SOS2: variants seen among roughly 807,000 people sequenced by gnomAD.
The protein encoded by SOS2 is SOS Ras/Rho guanine nucleotide exchange factor 2.
In SOS2, 65 loss-of-function variants were observed where a neutral mutation model predicts 148.2. The observed-to-expected ratio is 0.44, with a 90% CI of 0.36 to 0.54. SOS2 has a LOEUF of 0.54. Ranked by LOEUF, SOS2 falls within the 20% of genes least tolerant of loss-of-function variation. The pLI is 0.00. For missense variants in SOS2, 1,341 were observed against 1,590.2 expected, an observed-to-expected ratio of 0.84 and a Z score of 2.67; for synonymous variants, 539 against 537.1, an observed-to-expected ratio of 1.00 and a Z score of -0.05.
At chr14:50,216,710 G>A (rs946349054) in intron 1 of SOS2, among the ~76,000 whole-genome samples, 5 of 151,996 alleles carry the variant, frequency 3.3e-5, no homozygotes, top group African/African-American at 1.2e-4. Context: ...ACTCCAGCCT[G>A]GGTGACAGAG....
chr14:50,149,952 T>C (rs1228639472), intron 14 of SOS2, 56 bp downstream of exon 14: 20 of 1,203,124 alleles, frequency 1.7e-5, no homozygotes, highest in East Asian at 4.6e-5. Context: ...GTTTTGAAAA[T>C]AGGTAATGTT....
Position 50,159,918 on chromosome 14 carries a change from A to G in SOS2, c.1365T>C (p.His455=), listed in dbSNP as rs774916162. Residue 455 remains histidine (H), a synonymous_variant, in exon 10 of 23, where the codon CAT becomes CAC. Coordinates refer to ENST00000216373, the MANE Select transcript of SOS2 (RefSeq NM_006939.4). ...EGPLTRIGAK[H]ERHIFLFDGL... ...CATCAAACAGAAAAATATGCCGTTCATGTTTGGCACCGATTCTTGTCAATG... is the reference window on the plus strand; with the variant it reads ...CATCAAACAGAAAAATATGCCGTTCGTGTTTGGCACCGATTCTTGTCAATG... 2 of 1,614,160 alleles carry G rather than the reference A, an allele frequency of 1.2e-6. No individual in the cohort carries two copies. The highest frequency in any genetic ancestry group is 1.1e-5 in the South Asian group (1 of 91,084).
intron 1 of SOS2, among the ~76,000 whole-genome samples, chr14:50,220,489 A>C (rs1403060150): frequency 6.6e-6 from 1 of 151,580 alleles, no homozygotes; most frequent in Admixed American, 6.6e-5. Flanking sequence ...CAGCAAACAG[A>C]TCTCTTGGCC....
chr14:50,165,780 G>T (rs999812979), intron 8 of SOS2, among the ~76,000 whole-genome samples: 1 of 152,036 alleles, frequency 6.6e-6, no homozygotes, highest in Non-Finnish European at 1.5e-5. Flanking sequence ...AATGTTTTTT[G>T]AGCTCTGCTC....
Position 50,119,803 on chromosome 14 carries a change from CTTTTTT to C in SOS2, c.3489+466_3489+471del, listed in dbSNP as rs59325250. ...TGCCTGCCTCAGCCTCCCAACCAGC[CTTTTTT>C]TTTTTTTTTTTTTTTTTTGAGACAA... On this transcript the variant is annotated intron_variant, in intron 22 of 22. Transcript: ENST00000216373. 3.2e-3 allele frequency among the ~76,000 whole-genome samples: 219 copies of C among 68,536 alleles called. 1 individual carries two copies. The highest frequency in any genetic ancestry group is 0.012 in the African/African-American group (197 of 15,808). 45.0% of individuals were successfully genotyped at this position (68,536 alleles called of 152,430 possible). A position where few individuals can be genotyped will look rare whatever the true frequency, so the allele number is the denominator to read the frequency against.
rs200699420 is a variant in SOS2, at chr14:50,158,232, C to CA, written c.1934+332dup. ...GTATTTGGCAAAGTAGTCTACGGTC[C>CA]AAAAAAAAAAATAGTGGTAAGTAGA... On this transcript the variant is annotated intron_variant, in intron 11 of 22. Transcript: ENST00000216373. Among the ~76,000 whole-genome samples, 125 of 138,186 alleles carry CA rather than the reference C, an allele frequency of 9.0e-4. No homozygotes were observed. In the East Asian group the frequency reaches 0.014, roughly 15 times the overall value. The allele number at this position is 138,186 out of a possible 152,430, so 90.7% of individuals were successfully genotyped here. A position where few individuals can be genotyped will look rare whatever the true frequency, so the allele number is the denominator to read the frequency against.
In SOS2 at chr14:50,204,360, T is replaced by C. The variant is rs1162838729; in HGVS notation, c.137A>G (p.Tyr46Cys). Reference sequence around the variant, plus strand: ...CTGAAAAATCAGCTCTTCAATATAATAGAGAGACTCTTCATTAGCTGAGAG... The same window carrying C: ...CTGAAAAATCAGCTCTTCAATATAACAGAGAGACTCTTCATTAGCTGAGAG... ...PTLSANEESLYYIEELIFQLL... is the reference protein window; with the variant it reads ...PTLSANEESLCYIEELIFQLL... The change falls in exon 2 of 23, where the codon TAT becomes TGT. Residue 46 changes from tyrosine to cysteine, a missense_variant. Transcript: ENST00000216373. 1.0e-5 allele frequency: 16 copies of C among 1,589,688 alleles called. No homozygotes were observed. The highest frequency in any genetic ancestry group is 1.7e-4 in the Middle Eastern group (1 of 6,054).
intron 18 of SOS2, among the ~76,000 whole-genome samples, chr14:50,134,676 G>T (rs370535512): frequency 6.6e-6 from 1 of 152,056 alleles, no homozygotes; most frequent in Non-Finnish European, 1.5e-5. Context: ...TTAGATTAAG[G>T]TCTGTTAATC....
intron 16 of SOS2, among the ~76,000 whole-genome samples, chr14:50,143,546 C>T (rs935218162): frequency 6.6e-6 from 1 of 151,808 alleles, no homozygotes; most frequent in African/African-American, 2.4e-5. Flanking sequence ...CAAGCGATAC[C>T]CCTGCCTCAG....
At chr14:50,145,905 C>T (rs1009621240) in intron 14 of SOS2, among the ~76,000 whole-genome samples, 7 of 152,094 alleles carry the variant, frequency 4.6e-5, no homozygotes, top group African/African-American at 1.7e-4. Context: ...GAGGCCGAGG[C>T]AGATGGATCA....
At chr14:50,162,149 T>C (rs1390905716) in intron 8 of SOS2, among the ~76,000 whole-genome samples, 2 of 152,028 alleles carry the variant, frequency 1.3e-5, no homozygotes, top group Non-Finnish European at 2.9e-5. Context: ...TTCGGACATT[T>C]TATTTTTATT....
At chr14:50,152,828 G>GAT (rs1181061830) in intron 13 of SOS2, among the ~76,000 whole-genome samples, 8 of 152,120 alleles carry the variant, frequency 5.3e-5, no homozygotes. Flanking sequence ...AGCCAGGCGT[G>GAT]ATGTCATGTG....
At chr14:50,188,246 T>C (rs1002866188) in intron 5 of SOS2, among the ~76,000 whole-genome samples, 3 of 151,824 alleles carry the variant, frequency 2.0e-5, no homozygotes, top group Admixed American at 6.6e-5. Flanking sequence ...CTACTAAAAA[T>C]ATAAAAAAAT....
chr14:50,231,180 C>A lies in SOS2; in HGVS notation c.87+17G>T. ...GGCCACGGGCCACCCGCCGGCCGCC[C>A]CGCCCCTAGCACTGACCTTCCGCAG... is the stretch of plus-strand genomic sequence containing the variant. On this transcript the variant is annotated intron_variant, in intron 1 of 22. Coordinates refer to ENST00000216373, the MANE Select transcript of SOS2 (RefSeq NM_006939.4). The A allele has an allele frequency of 7.2e-7, 1 of 1,391,220 alleles. No homozygotes were observed. The highest frequency in any genetic ancestry group is 2.8e-5 in the East Asian group (1 of 35,576). The allele number at this position is 1,391,220 out of a possible 1,614,324, so 86.2% of individuals were successfully genotyped here.
In SOS2 at chr14:50,204,267, G is replaced by T; in HGVS notation, c.213+17C>A. The T allele has an allele frequency of 2.0e-6, 3 of 1,538,134 alleles. No individual in the cohort carries two copies. Among genetic ancestry groups the T allele is most frequent in the South Asian group, 1.2e-5 (1 of 80,134 alleles). On this transcript the variant is annotated intron_variant, in intron 2 of 22. Transcript: ENST00000216373. ...CAGTGGTTGAGTGACTTTTTGAAATGACAAAATAATTTTTACCTCTACATC... is the reference window on the plus strand; with the variant it reads ...CAGTGGTTGAGTGACTTTTTGAAATTACAAAATAATTTTTACCTCTACATC...
At chr14:50,190,393 CAT>C (rs1566473059) in intron 4 of SOS2, among the ~76,000 whole-genome samples, 2 of 152,296 alleles carry the variant, frequency 1.3e-5, no homozygotes, top group South Asian at 2.1e-4. Flanking sequence ...AACTGTACCA[CAT>C]GTTGGTAAAA....
At chr14:50,183,763 T>C (rs1192720358) in intron 5 of SOS2, among the ~76,000 whole-genome samples, 1 of 152,180 alleles carries the variant, frequency 6.6e-6, no homozygotes, top group Non-Finnish European at 1.5e-5. Flanking sequence ...CCTAATCCTG[T>C]TACAATCTGG....
chr14:50,126,783 G>A (rs1276990128), intron 21 of SOS2, among the ~76,000 whole-genome samples: 2 of 151,898 alleles, frequency 1.3e-5, no homozygotes, highest in Non-Finnish European at 2.9e-5. Flanking sequence ...TAAGAAAAAG[G>A]AGCTCCACAA....
chr14:50,133,615 T>C (rs1366925931), intron 19 of SOS2, among the ~76,000 whole-genome samples: 3 of 152,220 alleles, frequency 2.0e-5, no homozygotes, highest in East Asian at 3.8e-4. Context: ...CTTCCTTCTA[T>C]ATCTTGCTTC....
Sources: allele counts gnomAD v4.1 joint callset (sites outside exome capture counted in the v4.1 genomes callset), GRCh38; gene constraint gnomAD v4.1.1; transcripts MANE v1.5; gene names NCBI Gene and HGNC (gene_info 2026-07-23, HGNC 2026-07-21).